Variants in FBXL16 observed in about 807,000 individuals in gnomAD.
FBXL16 encodes the protein F-box/LRR-repeat protein 16.
Under a neutral mutation model 36.7 loss-of-function variants are expected in FBXL16, and 7 were observed. That is an observed-to-expected ratio of 0.19 (90% confidence interval 0.11 to 0.36). The LOEUF (loss-of-function observed/expected upper bound fraction) is 0.36. Ranked by LOEUF, FBXL16 falls within the 10% of genes least tolerant of loss-of-function variation. The pLI is 1.00. For missense variants in FBXL16, 463 were observed against 659.4 expected, an observed-to-expected ratio of 0.70 and a Z score of 3.26; for synonymous variants, 355 against 308.7, an observed-to-expected ratio of 1.15 and a Z score of -1.57.
chr16:704,025 A>C (rs1463932254), intron 1 of FBXL16, among the ~76,000 whole-genome samples: 1 of 152,346 alleles, frequency 6.6e-6, no homozygotes, highest in African/African-American at 2.4e-5. Context: ...CTCCTCCTGC[A>C]CCACTGGTGG....
Position 697,075 on chromosome 16 carries a change from C to T in FBXL16, c.331G>A (p.Ala111Thr), listed in dbSNP as rs1385008712. Reference sequence around the variant, plus strand: ...TGGGCCAGCACACACTTCTCGCAGGCCGAGAAATACCAGAAGAGCCCATTG... The same window carrying T: ...TGGGCCAGCACACACTTCTCGCAGGTCGAGAAATACCAGAAGAGCCCATTG... ...ILNGLFWYFSACEKCVLAQVC... is the reference protein window; with the variant it reads ...ILNGLFWYFSTCEKCVLAQVC... The change falls in exon 2 of 6, where the codon GCC (alanine) becomes ACC (threonine). Residue 111 changes from alanine (A) to threonine (T), a missense_variant. Physicochemically the swap from Ala to Thr is moderately conservative, Grantham distance 58. Coordinates refer to ENST00000397621, the MANE Select transcript of FBXL16 (RefSeq NM_153350.4). The surrounding 1 kb of genome is among the most constrained non-coding windows in gnomAD (Gnocchi z 4.6). 1 of 1,605,946 alleles carries T rather than the reference C, an allele frequency of 6.2e-7. No homozygotes were observed. Among genetic ancestry groups the T allele is most frequent in the East Asian group, 2.2e-5 (1 of 44,748 alleles).
rs545163006 is a variant in FBXL16 at position 703,885 on chromosome 16, C to T, written c.-15+1627G>A. 2.2e-4 allele frequency among the ~76,000 whole-genome samples: 33 copies of T among 152,366 alleles called. No individual in the cohort carries two copies. In the South Asian group the frequency reaches 4.8e-3, roughly 22 times the overall value. On this transcript the variant is annotated intron_variant, in intron 1 of 5. Coordinates refer to ENST00000397621, the MANE Select transcript of FBXL16 (RefSeq NM_153350.4). ...GCCCCTGCTCGGAAGAGCATGAGCA[C>T]CCTCAGAGGCGAGGCCTGGGCCCCT...
intron 2 of FBXL16, chr16:696,175 T>C: frequency 2.1e-6 from 1 of 470,508 alleles, no homozygotes; most frequent in Non-Finnish European, 3.7e-6. Context: ...TGGGGGATCC[T>C]TTCCCAGCTG....
In FBXL16 at chr16:697,817, A is replaced by G. The variant is rs1430773638; in HGVS notation, c.-14-398T>C. Among the ~76,000 whole-genome samples the G allele has an allele frequency of 1.3e-5, 2 of 151,912 alleles. No individual in the cohort carries two copies. Among genetic ancestry groups the G allele is most frequent in the Admixed American group, 6.6e-5 (1 of 15,258 alleles). On this transcript the variant is annotated intron_variant, in intron 1 of 5. Coordinates refer to ENST00000397621, the MANE Select transcript of FBXL16 (RefSeq NM_153350.4). This position sits in a 1 kb window ranked among gnomAD's most constrained non-coding sequence, Gnocchi z 4.6. The stretch of plus-strand genomic sequence containing the variant: ...AGATCGAGACCATCCTGGCTAACAC[A>G]GTGAAACACCATCTCTTCTAAAAAT...
At chr16:702,390 C>T (rs978988088) in intron 1 of FBXL16, among the ~76,000 whole-genome samples, 19 of 152,330 alleles carry the variant, frequency 1.2e-4, no homozygotes, top group Admixed American at 9.8e-4. Flanking sequence ...CTTGAGAAAG[C>T]GTCTCCAGGG....
chr16:703,733 C>T (rs1002624145), intron 1 of FBXL16, among the ~76,000 whole-genome samples: 6 of 152,358 alleles, frequency 3.9e-5, no homozygotes, highest in South Asian at 4.1e-4. Context: ...GCAGCAGGCA[C>T]GTGGCCTCAA....
chr16:695,099 C>T, intron 3 of FBXL16, 23 bp from the exon 4 acceptor site: 1 of 1,596,098 alleles, frequency 6.3e-7, no homozygotes. Flanking sequence ...CAGAGGGGAC[C>T]CCCACCTTCA....
chr16:697,555 G>A lies in FBXL16; in HGVS notation c.-14-136C>T, dbSNP rs922319968. The A allele has an allele frequency of 1.7e-6, 2 of 1,158,572 alleles. No homozygotes were observed. The highest frequency in any genetic ancestry group is 3.2e-5 in the African/African-American group (2 of 63,212). 71.8% of individuals were successfully genotyped at this position (1,158,572 alleles called of 1,614,324 possible). ...CCCAGAACCACCAGACAGAGAGGAT[G>A]GGAGTGCCTGCTTCTCCCTCCCAGA... On this transcript the variant is annotated intron_variant, in intron 1 of 5. Transcript: ENST00000397621. This position sits in a 1 kb window ranked among gnomAD's most constrained non-coding sequence, Gnocchi z 4.6.
chr16:696,057 G>T, intron 2 of FBXL16, 134 bp from the exon 3 acceptor site: 2 of 1,323,176 alleles, frequency 1.5e-6, no homozygotes, highest in Non-Finnish European at 2.0e-6. Flanking sequence ...GCGGGGCATC[G>T]GGACGAGAGC....
chr16:695,348 C>T, intron 3 of FBXL16, 67 bp downstream of exon 3: 1 of 1,064,340 alleles, frequency 9.4e-7, no homozygotes, highest in African/African-American at 1.7e-5. Flanking sequence ...CGTGCAGCCC[C>T]GCCCCGCCCC....
chr16:704,037 GA>G (rs1259458438), intron 1 of FBXL16, among the ~76,000 whole-genome samples: 1 of 152,252 alleles, frequency 6.6e-6, no homozygotes, highest in Non-Finnish European at 1.5e-5. Flanking sequence ...CACTGGTGGG[GA>G]AGGCTCAGTC....
Position 696,836 on chromosome 16 carries a change from G to A in FBXL16, c.570C>T (p.Leu190=), listed in dbSNP as rs771993416. Residue 190 remains leucine (L), a synonymous_variant, in exon 2 of 6, where the codon CTC becomes CTT. Transcript: ENST00000397621. ...DICEFIDNYA[L]SKKGVKAMSL... ...TCATGGCTTTGACACCCTTCTTGGAGAGCGCATAGTTGTCAATGAACTCAC... is the reference window on the plus strand; with the variant it reads ...TCATGGCTTTGACACCCTTCTTGGAAAGCGCATAGTTGTCAATGAACTCAC... 2 of 1,583,586 alleles carry A rather than the reference G, an allele frequency of 1.3e-6. No individual in the cohort carries two copies. Among genetic ancestry groups the A allele is most frequent in the Non-Finnish European group, 1.7e-6 (2 of 1,170,472 alleles).
At chr16:703,328 C>T (rs1436936692) in intron 1 of FBXL16, among the ~76,000 whole-genome samples, 1 of 152,172 alleles carries the variant, frequency 6.6e-6, no homozygotes, top group African/African-American at 2.4e-5. Flanking sequence ...CCTCAGCGCC[C>T]CCAGTTTGAA....
chr16:693,306 T>A lies in FBXL16; in HGVS notation c.*969A>T, dbSNP rs1241452828. 1 of 152,374 alleles carries A rather than the reference T, an allele frequency of 6.6e-6. No homozygotes were observed. Among genetic ancestry groups the A allele is most frequent in the South Asian group, 2.1e-4 (1 of 4,838 alleles). The allele number at this position is 152,374 out of a possible 1,614,324, so 9.4% of individuals were successfully genotyped here. A position where few individuals can be genotyped will look rare whatever the true frequency, so the allele number is the denominator to read the frequency against. On this transcript the variant is annotated 3_prime_UTR_variant, in exon 6 of 6. Transcript: ENST00000397621. ...CCTTGGCTGGGTCCACTCTGCAGAC[T>A]CCACCTGAGGAGACCCACCCAGGGT...
rs1227653988 is a variant in FBXL16 at position 692,565 on chromosome 16, CACTT to C, written c.*1706_*1709del. Reference sequence around the variant, plus strand: ...TCACGTGATAAAATAGCACAAGAAACACTTACCAAATATAAGGTTATATCTTCCG... The same window carrying C: ...TCACGTGATAAAATAGCACAAGAAACACCAAATATAAGGTTATATCTTCCG... On this transcript the variant is annotated 3_prime_UTR_variant, in exon 6 of 6. Transcript: ENST00000397621. 6.6e-5 allele frequency: 10 copies of C among 152,408 alleles called. No homozygotes were observed. The highest frequency in any genetic ancestry group is 1.9e-4 in the African/African-American group (8 of 41,442). The allele number at this position is 152,408 out of a possible 1,614,324, so 9.4% of individuals were successfully genotyped here. A position where few individuals can be genotyped will look rare whatever the true frequency, so the allele number is the denominator to read the frequency against.
intron 5 of FBXL16, 31 bp downstream of exon 5, chr16:694,603 G>T: frequency 6.3e-7 from 1 of 1,596,298 alleles, no homozygotes; most frequent in Non-Finnish European, 8.5e-7. Flanking sequence ...GGTGGTCACT[G>T]CCAGCGTCAG....
intron 1 of FBXL16, among the ~76,000 whole-genome samples, chr16:700,965 A>C (rs1486292182): frequency 6.6e-6 from 1 of 152,122 alleles, no homozygotes; most frequent in Non-Finnish European, 1.5e-5. Context: ...GATCCGGAGG[A>C]GGCGGCGGGG....
At chr16:698,966 AAAAG>A (rs1480919367) in intron 1 of FBXL16, among the ~76,000 whole-genome samples, 3 of 151,874 alleles carry the variant, frequency 2.0e-5, no homozygotes, top group South Asian at 2.1e-4. Flanking sequence ...AAAGAAAAGA[AAAAG>A]AAAAAAGAAT....
Position 695,458 on chromosome 16 carries a change from C to G in FBXL16, c.1099G>C (p.Val367Leu). The G allele has an allele frequency of 1.3e-6, 2 of 1,564,798 alleles. No individual in the cohort carries two copies. Among genetic ancestry groups the G allele is most frequent in the Non-Finnish European group, 1.7e-6 (2 of 1,162,388 alleles). The change falls in exon 3 of 6, where the codon GTG becomes CTG. Residue 367 changes from valine to leucine, a missense_variant. Physicochemically the swap from Val to Leu is conservative, Grantham distance 32. Around this residue, in one of 3 missense-constraint regions of FBXL16, gnomAD observed 134 missense variants for 172.0 expected, o/e 0.78. Transcript: ENST00000397621. ...TCTAGGCGGTGCAGGTCGCAGGCCA[C>G]GTACTCCAGCGCCATGTCGGTGATG... ...PRITDMALEY[V>L]ACDLHRLEEL...
Sources: gnomAD v4.1 joint callset for allele counts (sites outside exome capture counted in the v4.1 genomes callset) on GRCh38, gnomAD v4.1.1 for gene constraint, gnomAD v4.1.1 regional missense constraint, Gnocchi (gnomAD v3.1) non-coding constraint, MANE v1.5 for transcripts, NCBI Gene and HGNC (gene_info 2026-07-23, HGNC 2026-07-21) for gene names.